CSNK2A1: variants seen among roughly 807,000 people sequenced by gnomAD.
CSNK2A1 encodes the protein casein kinase 2 alpha 1.
CSNK2A1 carries 10 observed loss-of-function variants against 62.9 expected under a neutral mutation model. The ratio of observed to expected loss-of-function variants is 0.16; its 90% CI spans 0.10 to 0.27. The LOEUF is 0.27. Among genes scored for constraint, CSNK2A1 ranks in the 10% least tolerant of loss-of-function variants. The probability of loss-of-function intolerance (pLI) is 1.00; values close to 1 mark genes in which losing one functional copy is unlikely to be tolerated. For synonymous variants in CSNK2A1, 124 were observed against 167.8 expected (o/e 0.74, Z 2.02); for missense variants, 160 against 492.0 (o/e 0.33, Z 6.38).
chr20:524,091 T>C (rs1340667499), intron 2 of CSNK2A1, among the ~76,000 whole-genome samples: 1 of 151,388 alleles, frequency 6.6e-6, no homozygotes, highest in African/African-American at 2.4e-5. Context: ...AAAAAAAATT[T>C]AAAAAAAGGA....
intron 2 of CSNK2A1, among the ~76,000 whole-genome samples, chr20:525,562 A>G (rs1291446029): frequency 2.6e-5 from 4 of 151,218 alleles, no homozygotes; most frequent in Non-Finnish European, 5.9e-5. Context: ...GAGGCAAGAG[A>G]ATGGCGTGAA....
intron 9 of CSNK2A1, among the ~76,000 whole-genome samples, chr20:490,411 CT>C (rs369596623): frequency 0.32 from 26,986 of 84,200 alleles, 3,089 homozygotes; most frequent in East Asian, 0.58. Flanking sequence ...ACAATTTTTA[CT>C]TTTTTTTTTT....
At chr20:498,773 A>G (rs2018398378) in intron 6 of CSNK2A1, 1 of 152,260 alleles carries the variant, frequency 6.6e-6, no homozygotes, top group Non-Finnish European at 1.5e-5. Context: ...GAATTCTGAG[A>G]TATCTCTTAT....
At chr20:529,642 CAT>C (rs1488898243) in intron 1 of CSNK2A1, among the ~76,000 whole-genome samples, 3 of 152,056 alleles carry the variant, frequency 2.0e-5, no homozygotes, top group Non-Finnish European at 4.4e-5. Context: ...AAAAAAAAAT[CAT>C]ATGTGGAAAT....
At chr20:503,712 G>T in intron 4 of CSNK2A1, 1 of 398,570 alleles carries the variant, frequency 2.5e-6, no homozygotes, top group South Asian at 1.3e-4. Flanking sequence ...AAAAATCAAT[G>T]ACAGGAAATG....
At chr20:500,554 T>A (rs1015408986) in intron 4 of CSNK2A1, 4 of 152,070 alleles carry the variant, frequency 2.6e-5, no homozygotes, top group African/African-American at 9.7e-5. Context: ...GTTGCAAGAA[T>A]CAAATGAGGT....
chr20:490,351 TA>T (rs1568504803), intron 9 of CSNK2A1, among the ~76,000 whole-genome samples: 2 of 91,336 alleles, frequency 2.2e-5, no homozygotes, highest in South Asian at 4.0e-4. Context: ...TTTTTTTTTT[TA>T]GTTTTTTTTT....
At chr20:542,496 G>A (rs920124943) in intron 1 of CSNK2A1, among the ~76,000 whole-genome samples, 1 of 152,152 alleles carries the variant, frequency 6.6e-6, no homozygotes. Context: ...TGCAGTGGCG[G>A]ATCTCAGCTC....
At chr20:486,300 A>G in intron 13 of CSNK2A1, 76 bp downstream of exon 13, 2 of 1,562,646 alleles carry the variant, frequency 1.3e-6, no homozygotes, top group Non-Finnish European at 1.8e-6. Context: ...GAAGGTATAC[A>G]AGAAATCAGA....
At chr20:535,489 C>G (rs959211021) in intron 1 of CSNK2A1, among the ~76,000 whole-genome samples, 2 of 152,178 alleles carry the variant, frequency 1.3e-5, no homozygotes, top group African/African-American at 4.8e-5. Flanking sequence ...GGCGCGGTGG[C>G]TCACGCCTGT....
chr20:497,595 T>A (rs1251703916), intron 7 of CSNK2A1, 126 bp downstream of exon 7: 1 of 743,398 alleles, frequency 1.3e-6, no homozygotes, highest in East Asian at 2.9e-5. Flanking sequence ...TATTAAAAAC[T>A]TATATAGAGG....
In CSNK2A1 at chr20:474,195, T is replaced by C. The variant is rs940506115; in HGVS notation, c.*9766A>G. 3 of 152,430 alleles carry C rather than the reference T, an allele frequency of 2.0e-5. No homozygotes were observed. Among genetic ancestry groups the C allele is most frequent in the Non-Finnish European group, 4.4e-5 (3 of 68,126 alleles). 9.4% of individuals were successfully genotyped at this position (152,430 alleles called of 1,614,324 possible). A position where few individuals can be genotyped will look rare whatever the true frequency, so the allele number is the denominator to read the frequency against. Reference sequence around the variant, plus strand: ...CCAGCCTCCCCAGTAGCTAGCACTATAGTCACACACCACCACACTAGTTAA... The same window carrying C: ...CCAGCCTCCCCAGTAGCTAGCACTACAGTCACACACCACCACACTAGTTAA... On this transcript the variant is annotated 3_prime_UTR_variant, in exon 14 of 14. Transcript: ENST00000217244.
At chr20:511,978 T>C (rs180952729) in intron 2 of CSNK2A1, among the ~76,000 whole-genome samples, 1 of 152,338 alleles carries the variant, frequency 6.6e-6, no homozygotes, top group Non-Finnish European at 1.5e-5. Context: ...ATACAGCAAC[T>C]GTATCATTTT....
At chr20:538,506 A>T (rs766900168) in intron 1 of CSNK2A1, among the ~76,000 whole-genome samples, 25 of 152,232 alleles carry the variant, frequency 1.6e-4, no homozygotes, top group Non-Finnish European at 3.1e-4. Flanking sequence ...TCATCCTCTG[A>T]CTAAAGTTTA....
chr20:507,238 G>C (rs1348455918), intron 3 of CSNK2A1: 1 of 151,872 alleles, frequency 6.6e-6, no homozygotes, highest in African/African-American at 2.4e-5. Context: ...CTGCAGCCAG[G>C]GCAACAGAGC....
chr20:499,530 T>C lies in CSNK2A1; in HGVS notation c.316-225A>G, dbSNP rs1600382668. The C allele has an allele frequency of 1.3e-5, 7 of 557,584 alleles. No individual in the cohort carries two copies. In the East Asian group the frequency reaches 1.5e-4, roughly 12 times the overall value. 34.5% of individuals were successfully genotyped at this position (557,584 alleles called of 1,614,324 possible). On this transcript the variant is annotated intron_variant, in intron 5 of 13. Coordinates refer to ENST00000217244, the MANE Select transcript of CSNK2A1 (RefSeq NM_177559.3). The surrounding 1 kb of genome is among the most constrained non-coding windows in gnomAD (Gnocchi z 4.2). ...ACATGGAGCTGAAGTCTCACCAGGC[T>C]CTAGGCAGCCCGACAATGCGCCCAT...
intron 1 of CSNK2A1, among the ~76,000 whole-genome samples, chr20:534,958 C>T (rs960867554): frequency 6.2e-5 from 9 of 145,340 alleles, no homozygotes; most frequent in Admixed American, 5.6e-4. Context: ...TGCTTGAACC[C>T]GGGAGGTGGA....
chr20:541,388 C>T (rs2019446228), intron 1 of CSNK2A1, among the ~76,000 whole-genome samples: 1 of 152,082 alleles, frequency 6.6e-6, no homozygotes, highest in South Asian at 2.1e-4. Context: ...AAATCCAAGT[C>T]CTATGGAAGG....
In CSNK2A1 at chr20:482,876, T is replaced by C. The variant is rs1195337025; in HGVS notation, c.*1085A>G. On this transcript the variant is annotated 3_prime_UTR_variant, in exon 14 of 14. Coordinates refer to ENST00000217244, the MANE Select transcript of CSNK2A1 (RefSeq NM_177559.3). ...TCAGCTTCAATGGAGATAGTGGCTCTGCTCCTACCTCTCAAGATACATTTA... is the reference window on the plus strand; with the variant it reads ...TCAGCTTCAATGGAGATAGTGGCTCCGCTCCTACCTCTCAAGATACATTTA... The C allele has an allele frequency of 6.6e-6, 1 of 152,668 alleles. No individual in the cohort carries two copies. Among genetic ancestry groups the C allele is most frequent in the Admixed American group, 6.5e-5 (1 of 15,284 alleles). 9.5% of individuals were successfully genotyped at this position (152,668 alleles called of 1,614,324 possible).
Sources: gnomAD v4.1 joint callset for allele counts (sites outside exome capture counted in the v4.1 genomes callset) on GRCh38, gnomAD v4.1.1 for gene constraint, Gnocchi (gnomAD v3.1) non-coding constraint, MANE v1.5 for transcripts, NCBI Gene and HGNC (gene_info 2026-07-23, HGNC 2026-07-21) for gene names.